The following DOK6 variants were observed in gnomAD, a reference collection of about 807,000 sequenced individuals.
The protein encoded by DOK6 is docking protein 6.
In DOK6, 22 loss-of-function variants were observed where a neutral mutation model predicts 44.0. The ratio of observed to expected loss-of-function variants is 0.50; its 90% CI spans 0.36 to 0.71. The LOEUF is 0.71. DOK6 is among the 30% of genes least tolerant of loss of function. The pLI is 0.00. For missense variants in DOK6, 340 were observed against 416.4 expected (o/e 0.82, Z 1.60); for synonymous variants, 166 against 145.5 (o/e 1.14, Z -1.01).
intron 1 of DOK6, among the ~76,000 whole-genome samples, chr18:69,494,975 C>T (rs771739407): frequency 1.3e-5 from 2 of 152,164 alleles, no homozygotes; most frequent in East Asian, 1.9e-4. Context: ...CTGCCAAGTG[C>T]GAGCCAGGTG....
chr18:69,497,408 C>T (rs12326631), intron 1 of DOK6, among the ~76,000 whole-genome samples: 1 of 152,278 alleles, frequency 6.6e-6, no homozygotes, highest in African/African-American at 2.4e-5. Flanking sequence ...CACACCACCC[C>T]AATGCCACGT....
intron 3 of DOK6, chr18:69,661,771 G>T (rs1368870072): frequency 3.3e-5 from 5 of 152,124 alleles, no homozygotes; most frequent in African/African-American, 1.2e-4. Flanking sequence ...TATAAACACA[G>T]TTGCAATGTG....
chr18:69,807,162 C>T (rs1343558356), intron 7 of DOK6, among the ~76,000 whole-genome samples: 1 of 149,504 alleles, frequency 6.7e-6, no homozygotes, highest in African/African-American at 2.4e-5. Context: ...AACTGCAAGT[C>T]CTCAGTGTGG....
intron 1 of DOK6, among the ~76,000 whole-genome samples, chr18:69,559,703 T>G (rs1982780571): frequency 6.6e-6 from 1 of 152,170 alleles, no homozygotes; most frequent in Non-Finnish European, 1.5e-5. Context: ...GCTAGTGGCT[T>G]GAACCACAGA....
At chr18:69,594,182 A>T (rs1031255106) in intron 2 of DOK6, among the ~76,000 whole-genome samples, 5 of 148,104 alleles carry the variant, frequency 3.4e-5, no homozygotes, top group Non-Finnish European at 7.5e-5. Context: ...ATTGATGTTT[A>T]TTTTTTTTTT....
chr18:69,600,893 C>T (rs897871178), intron 3 of DOK6, among the ~76,000 whole-genome samples: 1 of 152,118 alleles, frequency 6.6e-6, no homozygotes, highest in Non-Finnish European at 1.5e-5. Context: ...TAGTTAATAA[C>T]TTAATCATTC....
intron 1 of DOK6, among the ~76,000 whole-genome samples, chr18:69,558,723 T>A (rs1444883927): frequency 6.7e-6 from 1 of 150,260 alleles, no homozygotes; most frequent in Non-Finnish European, 1.5e-5. Flanking sequence ...AAGTGTCACA[T>A]ATCAGAGGAG....
intron 5 of DOK6, among the ~76,000 whole-genome samples, chr18:69,716,781 T>C (rs1019557584): frequency 2.6e-5 from 4 of 152,082 alleles, no homozygotes; most frequent in Non-Finnish European, 5.9e-5. Context: ...TAAAGTGGTG[T>C]TTCAAATTCT....
intron 1 of DOK6, among the ~76,000 whole-genome samples, chr18:69,514,845 T>A (rs1568282197): frequency 9.9e-6 from 1 of 101,006 alleles, no homozygotes; most frequent in African/African-American, 3.0e-5. Flanking sequence ...ATATATTTTT[T>A]TTTTTTGAAG....
intron 5 of DOK6, among the ~76,000 whole-genome samples, chr18:69,728,584 T>C (rs1978323881): frequency 6.6e-6 from 1 of 152,010 alleles, no homozygotes; most frequent in Non-Finnish European, 1.5e-5. Context: ...GGGGAAAATG[T>C]CCACAATAAT....
At chr18:69,634,785 TG>T (rs2144649381) in intron 3 of DOK6, among the ~76,000 whole-genome samples, 1 of 152,186 alleles carries the variant, frequency 6.6e-6, no homozygotes, top group African/African-American at 2.4e-5. Flanking sequence ...ATAAGCACAA[TG>T]AACAAAAACA....
At chr18:69,607,470 T>A (rs1282844764) in intron 3 of DOK6, among the ~76,000 whole-genome samples, 1 of 151,770 alleles carries the variant, frequency 6.6e-6, no homozygotes, top group African/African-American at 2.4e-5. Flanking sequence ...AAGTCTTATT[T>A]ATAAACAAAA....
At chr18:69,769,672 T>C (rs1408409408) in intron 7 of DOK6, among the ~76,000 whole-genome samples, 2 of 152,122 alleles carry the variant, frequency 1.3e-5, no homozygotes, top group East Asian at 3.8e-4. Flanking sequence ...TACATTAATG[T>C]CCCAGCTTCT....
intron 3 of DOK6, among the ~76,000 whole-genome samples, chr18:69,652,680 G>A (rs755572721): frequency 6.6e-5 from 10 of 152,180 alleles, no homozygotes; most frequent in Admixed American, 4.6e-4. Flanking sequence ...ACTCTAGGAT[G>A]TTTGGGTTCT....
chr18:69,796,335 C>T (rs777706796), intron 7 of DOK6, among the ~76,000 whole-genome samples: 7 of 152,256 alleles, frequency 4.6e-5, no homozygotes, highest in East Asian at 1.9e-4. Flanking sequence ...CTGTCTGCAA[C>T]GATAATAGCA....
intron 2 of DOK6, among the ~76,000 whole-genome samples, chr18:69,583,159 GTA>G (rs1568303072): frequency 6.6e-6 from 1 of 152,132 alleles, no homozygotes; most frequent in African/African-American, 2.4e-5. Flanking sequence ...TTCATTCTAC[GTA>G]TTCACCTGGT....
At chr18:69,655,491 G>A (rs964308910) in intron 3 of DOK6, among the ~76,000 whole-genome samples, 9 of 152,048 alleles carry the variant, frequency 5.9e-5, no homozygotes, top group Admixed American at 6.5e-5. Context: ...GGTGGCTCAC[G>A]CCTGTAATCC....
chr18:69,401,159 C>A lies in DOK6; in HGVS notation c.-86C>A, dbSNP rs1394093846. The A allele has an allele frequency of 7.4e-6, 10 of 1,345,714 alleles. No individual in the cohort carries two copies. The highest frequency in any genetic ancestry group is 1.5e-5 in the African/African-American group (1 of 65,160). The allele number at this position is 1,345,714 out of a possible 1,614,324, so 83.4% of individuals were successfully genotyped here. ...GCTGCTGGCGGCGGCCGGCTGGATGCGAGACCCGCGCAGACCCGGCGGCGG... is the reference window on the plus strand; with the variant it reads ...GCTGCTGGCGGCGGCCGGCTGGATGAGAGACCCGCGCAGACCCGGCGGCGG... On this transcript the variant is annotated 5_prime_UTR_variant, in exon 1 of 8. Transcript: ENST00000382713.
At chr18:69,816,146 C>T (rs751578871) in intron 7 of DOK6, among the ~76,000 whole-genome samples, 1 of 152,104 alleles carries the variant, frequency 6.6e-6, no homozygotes, top group Non-Finnish European at 1.5e-5. Flanking sequence ...ATAAAATAGG[C>T]TCATGACTCC....
Sources: allele counts gnomAD v4.1 joint callset (sites outside exome capture counted in the v4.1 genomes callset), GRCh38; gene constraint gnomAD v4.1.1; transcripts MANE v1.5; gene names NCBI Gene and HGNC (gene_info 2026-07-23, HGNC 2026-07-21).